DMD: variants seen among roughly 807,000 people sequenced by gnomAD.
DMD encodes the protein dystrophin.
In DMD, 63 loss-of-function variants were observed where a neutral mutation model predicts 330.1. That is an observed-to-expected ratio of 0.19 (90% CI 0.16 to 0.24). The LOEUF (loss-of-function observed/expected upper bound fraction) is 0.24, where lower values mean the gene tolerates loss of function less well. Ranked by LOEUF, DMD falls within the 10% of genes least tolerant of loss-of-function variation. The pLI, the probability that DMD is intolerant of heterozygous loss-of-function variation, is 1.00. For missense variants in DMD, 3,344 were observed against 2,684.1 expected (o/e 1.25, Z -5.43); for synonymous variants, 1,223 against 959.8 (o/e 1.27, Z -5.07).
chrX:33,012,264 G>A (rs1375447895), intron 2 of DMD, among the ~76,000 whole-genome samples: 1 of 111,546 alleles, frequency 9.0e-6, no homozygotes, highest in African/African-American at 3.2e-5. Context: ...AAACCATTTA[G>A]TATAATCATC....
intron 11 of DMD, among the ~76,000 whole-genome samples, chrX:32,639,101 GA>G (rs1602406891): frequency 9.0e-6 from 1 of 111,690 alleles, no homozygotes; most frequent in Non-Finnish European, 1.9e-5. Flanking sequence ...TACCGTCACA[GA>G]AGTTTTAGTT....
At chrX:32,473,447 C>A (rs16998310) in intron 21 of DMD, among the ~76,000 whole-genome samples, 6,184 of 111,344 alleles carry the variant, frequency 0.056, 421 homozygotes, top group African/African-American at 0.19. Context: ...TGAAATCACA[C>A]TGCAAAGTCC....
chrX:31,504,196 T>C (rs1360982397), intron 56 of DMD, among the ~76,000 whole-genome samples: 2 of 110,919 alleles, frequency 1.8e-5, no homozygotes, highest in Non-Finnish European at 3.8e-5. Flanking sequence ...TGGCATAACA[T>C]GATGACTTAA....
At chrX:32,653,690 T>C in intron 9 of DMD, among the ~76,000 whole-genome samples, 1 of 111,981 alleles carries the variant, frequency 8.9e-6, no homozygotes, top group Non-Finnish European at 1.9e-5. Context: ...TCCAATTCCG[T>C]GTAGAAAGTC....
intron 2 of DMD, among the ~76,000 whole-genome samples, chrX:33,008,652 C>T (rs1225793796): frequency 9.2e-6 from 1 of 108,897 alleles, no homozygotes; most frequent in African/African-American, 3.3e-5. Context: ...CTGTTTTTTT[C>T]TAACCTTTGA....
At chrX:31,797,581 TA>T (rs1205020279) in intron 50 of DMD, among the ~76,000 whole-genome samples, 1 of 112,114 alleles carries the variant, frequency 8.9e-6, no homozygotes, top group African/African-American at 3.2e-5. Flanking sequence ...AAAATGTGCA[TA>T]AAAATAGAAT....
intron 1 of DMD, among the ~76,000 whole-genome samples, chrX:33,229,168 T>C (rs1165687760): frequency 9.0e-6 from 1 of 111,242 alleles, no homozygotes; most frequent in Non-Finnish European, 1.9e-5. Context: ...TGTATTTCAC[T>C]TCTTAAGAGG....
Position 31,713,422 on chromosome X carries a change from C to T in DMD, c.7660+16209G>A, listed in dbSNP as rs150225076. Among the ~76,000 whole-genome samples the T allele has an allele frequency of 3.5e-3, 391 of 111,717 alleles. 2 individuals are homozygous for T. The highest frequency in any genetic ancestry group is 6.5e-3 in the Non-Finnish European group (345 of 53,090). On this transcript the variant is annotated intron_variant, in intron 52 of 78. Transcript: ENST00000357033. ...TCCTTTGTACTTTCATTTTTCTTTG[C>T]TTGTACCTCTAATTTATGCTTTATA...
At position 31,403,000 on chromosome X, in the gene DMD, C is replaced by T. The variant is rs191681505; in HGVS notation, c.9084+41481G>A. Among the ~76,000 whole-genome samples the T allele has an allele frequency of 6.3e-5, 7 of 111,355 alleles. No homozygotes were observed. The East Asian group carries it at 1.1e-3, about 18-fold the overall frequency. On this transcript the variant is annotated intron_variant, in intron 60 of 78. Transcript: ENST00000357033. Reference sequence around the variant, plus strand: ...CTATTTAGACAAGAAAATAGGGCATCGATAATCTCTCATGCCTCCTAGTAC... The same window carrying T: ...CTATTTAGACAAGAAAATAGGGCATTGATAATCTCTCATGCCTCCTAGTAC...
At chrX:32,589,251 C>T (rs1179387882) in intron 13 of DMD, among the ~76,000 whole-genome samples, 2 of 111,310 alleles carry the variant, frequency 1.8e-5, no homozygotes, top group Admixed American at 1.9e-4. Context: ...AGATAGAGTA[C>T]CAATCGTGGG....
intron 63 of DMD, among the ~76,000 whole-genome samples, chrX:31,249,743 C>T (rs1274898458): frequency 9.0e-6 from 1 of 110,553 alleles, no homozygotes; most frequent in Non-Finnish European, 1.9e-5. Context: ...ACCTAGGTGT[C>T]TCTCACTATC....
intron 60 of DMD, among the ~76,000 whole-genome samples, chrX:31,406,785 G>A (rs764360276): frequency 1.2e-4 from 13 of 110,909 alleles, no homozygotes; most frequent in African/African-American, 3.6e-4. Flanking sequence ...TTCCTATACC[G>A]CCTTTTCATA....
At chrX:31,795,517 G>T (rs975637302) in intron 50 of DMD, among the ~76,000 whole-genome samples, 2 of 111,671 alleles carry the variant, frequency 1.8e-5, no homozygotes, top group African/African-American at 6.5e-5. Context: ...AAAAAATCAG[G>T]ACAAAGAAAG....
At chrX:33,215,274 G>A (rs762319525), upstream of DMD, among the ~76,000 whole-genome samples, 17 of 104,574 alleles carry the variant, frequency 1.6e-4, no homozygotes, top group East Asian at 4.2e-3. Context: ...GCAGTGAGCC[G>A]AGACTGTGCC....
rs781124858 is a variant in DMD at position 31,288,571 on chromosome X, T to C, written c.9225-27555A>G. Among the ~76,000 whole-genome samples the C allele has an allele frequency of 2.0e-3, 224 of 111,978 alleles. 1 individual carries two copies. The highest frequency in any genetic ancestry group is 6.6e-3 in the African/African-American group (204 of 30,833). ...ATAACCAAGTACAATCCCATTAAGA[T>C]AACGGCTATAGTCCTTGAATTGAAG... On this transcript the variant is annotated intron_variant, in intron 62 of 78. Coordinates refer to ENST00000357033, the MANE Select transcript of DMD (RefSeq NM_004006.3).
intron 2 of DMD, among the ~76,000 whole-genome samples, chrX:32,869,454 T>G (rs1176500875): frequency 9.1e-6 from 1 of 110,278 alleles, no homozygotes; most frequent in African/African-American, 3.3e-5. Flanking sequence ...CGAACTTTAC[T>G]GAGCTAAAGG....
At chrX:33,184,567 C>T (rs950705161) in intron 1 of DMD, among the ~76,000 whole-genome samples, 10 of 110,278 alleles carry the variant, frequency 9.1e-5, no homozygotes, top group African/African-American at 3.0e-4. Flanking sequence ...TAACATGTTC[C>T]TATAAATATA....
chrX:32,846,645 G>A (rs1272286498), intron 3 of DMD, among the ~76,000 whole-genome samples: 5 of 102,979 alleles, frequency 4.9e-5, no homozygotes, highest in Non-Finnish European at 7.8e-5. Context: ...CTCCAAGAAT[G>A]TCAGAATGAT....
chrX:33,173,447 G>A (rs754217778), intron 1 of DMD, among the ~76,000 whole-genome samples: 11 of 110,927 alleles, frequency 9.9e-5, no homozygotes, highest in South Asian at 3.8e-4. Context: ...ACACTGTATC[G>A]TACCCCAAAA....
Sources: allele counts gnomAD v4.1 joint callset (sites outside exome capture counted in the v4.1 genomes callset), GRCh38; gene constraint gnomAD v4.1.1; transcripts MANE v1.5; gene names NCBI Gene and HGNC (gene_info 2026-07-23, HGNC 2026-07-21).